Variants in FRYL observed in about 807,000 individuals in gnomAD.
The protein encoded by FRYL is FRY like transcription coactivator.
A neutral mutation model predicts 351.2 loss-of-function variants in FRYL; 150 were observed. The ratio of observed to expected loss-of-function variants is 0.43; its 90% CI spans 0.37 to 0.49. The LOEUF (loss-of-function observed/expected upper bound fraction) is 0.49, where lower values mean the gene tolerates loss of function less well. Ranked by LOEUF, FRYL falls within the 20% of genes least tolerant of loss-of-function variation. The pLI is 0.00. For synonymous variants in FRYL, 1,153 were observed against 1,257.1 expected (o/e 0.92, Z 1.75); for missense variants, 3,036 against 3,619.3 (o/e 0.84, Z 4.13).
In FRYL at chr4:48,557,542, T is replaced by A; in HGVS notation, c.4036A>T (p.Thr1346Ser). ...DSLKDRELMV[T>S]SRRWLRGEGW... is the part of the protein sequence containing the mutation. Reference sequence around the variant, plus strand: ...TCTCCCCGTAACCAGCGCCTACTAGTCACCATAAGTTCTCGGTCTTTTAAG... The same window carrying A: ...TCTCCCCGTAACCAGCGCCTACTAGACACCATAAGTTCTCGGTCTTTTAAG... Residue 1346 changes from threonine to serine, a missense_variant, in exon 34 of 64, where the codon ACT (threonine) becomes TCT (serine). Thr to Ser is a moderately conservative substitution (Grantham distance 58). This residue lies in a region of FRYL where 1,987 missense variants were observed against 2,311.7 expected (regional missense o/e 0.86). Transcript: ENST00000358350. The A allele has an allele frequency of 1.2e-6, 2 of 1,614,224 alleles. No individual in the cohort carries two copies. The highest frequency in any genetic ancestry group is 8.5e-7 in the Non-Finnish European group (1 of 1,180,034).
chr4:48,595,755 A>G, intron 14 of FRYL, 57 bp from the exon 15 acceptor site: 3 of 1,242,834 alleles, frequency 2.4e-6, no homozygotes, highest in Non-Finnish European at 3.5e-6. Context: ...CATATTAGCA[A>G]AAAATTCTTC....
At chr4:48,766,425 A>G (rs903776430) in intron 1 of FRYL, among the ~76,000 whole-genome samples, 1 of 152,194 alleles carries the variant, frequency 6.6e-6, no homozygotes, top group African/African-American at 2.4e-5. Context: ...ACATGCTGGT[A>G]TATTTCACTA....
At chr4:48,532,450 G>T (rs529493072) in intron 49 of FRYL, among the ~76,000 whole-genome samples, 1 of 152,326 alleles carries the variant, frequency 6.6e-6, no homozygotes, top group South Asian at 2.1e-4. Context: ...TTGAGGTCAG[G>T]AGTTTGACAC....
chr4:48,504,279 G>T (rs1400646545), intron 60 of FRYL, among the ~76,000 whole-genome samples: 11 of 152,058 alleles, frequency 7.2e-5, no homozygotes, highest in Non-Finnish European at 1.6e-4. Flanking sequence ...CCTCAAAACA[G>T]TTGAATATGA....
chr4:48,546,192 A>G lies in FRYL; in HGVS notation c.5154T>C (p.Ser1718=). The part of the protein sequence containing the change: ...DSGLSSSSTS[S]SISLGNNSAA... ...CACTGTTATTTCCTAAGCTGATACT[A>G]GAAGAGGTAGAACTTGAGCTAAGCC... Residue 1718 remains serine (S), a synonymous_variant, in exon 42 of 64, where the codon TCT becomes TCC. Coordinates refer to ENST00000358350, the MANE Select transcript of FRYL (RefSeq NM_015030.2). 1 of 1,613,788 alleles carries G rather than the reference A, an allele frequency of 6.2e-7. No homozygotes were observed. Among genetic ancestry groups the G allele is most frequent in the Non-Finnish European group, 8.5e-7 (1 of 1,179,814 alleles).
At chr4:48,706,265 TG>T (rs1767332676) in intron 2 of FRYL, among the ~76,000 whole-genome samples, 2 of 152,198 alleles carry the variant, frequency 1.3e-5, no homozygotes, top group African/African-American at 4.8e-5. Flanking sequence ...AGTTGATGGA[TG>T]GATAAAATGT....
At chr4:48,550,191 A>C (rs983518496) in intron 38 of FRYL, among the ~76,000 whole-genome samples, 5 of 152,224 alleles carry the variant, frequency 3.3e-5, no homozygotes, top group Non-Finnish European at 7.3e-5. Flanking sequence ...CTGTGCTTCT[A>C]TGATACCCTG....
intron 2 of FRYL, among the ~76,000 whole-genome samples, chr4:48,689,670 C>A (rs1479071285): frequency 4.6e-5 from 7 of 152,134 alleles, no homozygotes; most frequent in African/African-American, 1.7e-4. Flanking sequence ...CCTATCCTTG[C>A]GGAGTTTACA....
chr4:48,637,935 T>C (rs1425148674), intron 3 of FRYL: 1 of 152,138 alleles, frequency 6.6e-6, no homozygotes, highest in Non-Finnish European at 1.5e-5. Context: ...GTGTTTGAGC[T>C]CATTACAGCA....
At chr4:48,761,534 A>T (rs1214975085) in intron 1 of FRYL, among the ~76,000 whole-genome samples, 1 of 152,088 alleles carries the variant, frequency 6.6e-6, no homozygotes, top group Non-Finnish European at 1.5e-5. Context: ...TCACTTCACC[A>T]CTCACTTACT....
intron 3 of FRYL, among the ~76,000 whole-genome samples, chr4:48,655,482 AAT>A (rs913538747): frequency 1.0e-4 from 15 of 149,508 alleles, no homozygotes; most frequent in African/African-American, 3.4e-4. Flanking sequence ...ATACATTAAC[AAT>A]ATATGTCAAC....
At chr4:48,754,452 A>G (rs938789) in intron 1 of FRYL, among the ~76,000 whole-genome samples, 148,435 of 152,294 alleles carry the variant, frequency 0.97, 72,456 homozygotes, top group East Asian at 1. Context: ...AAACATTCAT[A>G]TACAAGTGTT....
intron 26 of FRYL, among the ~76,000 whole-genome samples, chr4:48,571,295 C>T (rs1393491484): frequency 6.6e-6 from 1 of 152,062 alleles, no homozygotes; most frequent in African/African-American, 2.4e-5. Flanking sequence ...GAAAACAATC[C>T]TAAAAAGGAC....
chr4:48,529,390 C>T (rs1727026340), intron 50 of FRYL, among the ~76,000 whole-genome samples: 1 of 152,114 alleles, frequency 6.6e-6, no homozygotes, highest in African/African-American at 2.4e-5. Flanking sequence ...TTTGATGCAA[C>T]AAATTGAAAT....
Position 48,549,443 on chromosome 4 carries a change from A to T in FRYL, c.4784+30T>A. ...ACAGTGTTCAGCAGCAACTTGGTGC[A>T]TATGTAAAAGGAATGACGCTGTAGT... is the stretch of plus-strand genomic sequence containing the variant. On this transcript the variant is annotated intron_variant, in intron 39 of 63. Transcript: ENST00000358350. This position sits in a 1 kb window ranked among gnomAD's most constrained non-coding sequence, Gnocchi z 4.2. The T allele has an allele frequency of 6.3e-7, 1 of 1,579,660 alleles. No individual in the cohort carries two copies. The highest frequency in any genetic ancestry group is 2.3e-5 in the East Asian group (1 of 44,286).
At chr4:48,735,898 C>T (rs1578873634) in intron 1 of FRYL, among the ~76,000 whole-genome samples, 1 of 111,732 alleles carries the variant, frequency 8.9e-6, no homozygotes, top group African/African-American at 3.5e-5. Context: ...GTGCAGCGCA[C>T]CAGCATGGCA....
Position 48,745,057 on chromosome 4 carries a change from G to C in FRYL, c.-383-34359C>G, listed in dbSNP as rs1167328416. Among the ~76,000 whole-genome samples, 4 of 152,280 alleles carry C rather than the reference G, an allele frequency of 2.6e-5. No individual in the cohort carries two copies. In the East Asian group the frequency reaches 7.7e-4, roughly 29 times the overall value. On this transcript the variant is annotated intron_variant, in intron 1 of 63. Coordinates refer to ENST00000358350, the MANE Select transcript of FRYL (RefSeq NM_015030.2). ...GGCAAGAAATAAGGTCAAAAAGCTA[G>C]GCTGGAATTTGGATAGATAGTCCAA... is the stretch of plus-strand genomic sequence containing the variant.
intron 47 of FRYL, among the ~76,000 whole-genome samples, chr4:48,539,543 A>T (rs1729660773): frequency 1.3e-5 from 2 of 152,032 alleles, no homozygotes; most frequent in Admixed American, 1.3e-4. Flanking sequence ...TGCCCCGATA[A>T]AATACCAAAT....
chr4:48,745,547 G>A (rs897415865), intron 1 of FRYL, among the ~76,000 whole-genome samples: 2 of 151,990 alleles, frequency 1.3e-5, no homozygotes, highest in African/African-American at 2.4e-5. Context: ...GGTGGGAACT[G>A]AACAATGAGA....
Sources: gnomAD v4.1 joint callset for allele counts (sites outside exome capture counted in the v4.1 genomes callset) on GRCh38, gnomAD v4.1.1 for gene constraint, gnomAD v4.1.1 regional missense constraint, Gnocchi (gnomAD v3.1) non-coding constraint, MANE v1.5 for transcripts, NCBI Gene and HGNC (gene_info 2026-07-23, HGNC 2026-07-21) for gene names.